PDGFD: variants seen among roughly 807,000 people sequenced by gnomAD.
The protein encoded by PDGFD is platelet-derived growth factor D.
PDGFD carries 30 observed loss-of-function variants against 44.7 expected under a neutral mutation model. The observed-to-expected ratio is 0.67, with a 90% confidence interval of 0.50 to 0.91. PDGFD has a LOEUF of 0.91. PDGFD is among the 40% of genes least tolerant of loss of function. The pLI is 0.00. For missense variants in PDGFD, 445 were observed against 457.8 expected, an observed-to-expected ratio of 0.97 and a Z score of 0.25; for synonymous variants, 173 against 168.4, an observed-to-expected ratio of 1.03 and a Z score of -0.21.
intron 5 of PDGFD, among the ~76,000 whole-genome samples, chr11:103,938,161 G>T (rs1164039731): frequency 6.6e-6 from 1 of 151,906 alleles, no homozygotes; most frequent in Non-Finnish European, 1.5e-5. Flanking sequence ...CTAGTTCACA[G>T]TCCCACCAAC....
chr11:104,026,946 T>C (rs1399693693), intron 1 of PDGFD, among the ~76,000 whole-genome samples: 3 of 152,234 alleles, frequency 2.0e-5, no homozygotes, highest in South Asian at 2.1e-4. Context: ...AGGTAAGCCA[T>C]ATTAACCTGA....
chr11:103,958,977 A>G (rs912967982), intron 3 of PDGFD, among the ~76,000 whole-genome samples: 1 of 152,210 alleles, frequency 6.6e-6, no homozygotes, highest in Non-Finnish European at 1.5e-5. Context: ...GAAGTCTAAA[A>G]GCCAAAGCCA....
At chr11:103,959,825 A>G (rs572945056) in intron 3 of PDGFD, among the ~76,000 whole-genome samples, 5 of 152,332 alleles carry the variant, frequency 3.3e-5, no homozygotes, top group Non-Finnish European at 7.4e-5. Context: ...CATCCCTCCA[A>G]GTAAACAACT....
At chr11:103,964,609 C>G (rs1274748083) in intron 3 of PDGFD, among the ~76,000 whole-genome samples, 2 of 152,104 alleles carry the variant, frequency 1.3e-5, no homozygotes, top group African/African-American at 4.8e-5. Context: ...ACTGCCCTAC[C>G]TACCCTGTGG....
At chr11:104,010,878 T>A (rs535698709) in intron 1 of PDGFD, among the ~76,000 whole-genome samples, 2 of 152,136 alleles carry the variant, frequency 1.3e-5, no homozygotes, top group Admixed American at 1.3e-4. Context: ...AATAGAGAGA[T>A]CCTTTCCATA....
At chr11:103,988,184 A>G (rs553240264) in intron 3 of PDGFD, among the ~76,000 whole-genome samples, 62 of 152,108 alleles carry the variant, frequency 4.1e-4, no homozygotes, top group Non-Finnish European at 8.2e-4. Context: ...CATTTTCTTA[A>G]TCTATCAAAA....
At chr11:104,026,654 G>A (rs1303508737) in intron 1 of PDGFD, among the ~76,000 whole-genome samples, 1 of 152,130 alleles carries the variant, frequency 6.6e-6, no homozygotes, top group Non-Finnish European at 1.5e-5. Context: ...TTTGTCTAGA[G>A]CAGTCCCCTA....
intron 1 of PDGFD, among the ~76,000 whole-genome samples, chr11:104,098,479 A>G (rs913032687): frequency 2.7e-5 from 4 of 149,880 alleles, no homozygotes; most frequent in Non-Finnish European, 4.4e-5. Context: ...TCATATATAG[A>G]GAGGGGAAAT....
intron 1 of PDGFD, among the ~76,000 whole-genome samples, chr11:104,148,136 T>G (rs17102111): frequency 0.014 from 2,173 of 152,262 alleles, 48 homozygotes; most frequent in African/African-American, 0.048. Flanking sequence ...TAAGTTTTTT[T>G]AACAGAATAC....
At chr11:104,100,626 G>A (rs606017) in intron 1 of PDGFD, among the ~76,000 whole-genome samples, 81,602 of 151,850 alleles carry the variant, frequency 0.54, 23,276 homozygotes, top group East Asian at 0.73. Context: ...TGATACCAAA[G>A]CCTGGCAGAG....
Position 104,000,112 on chromosome 11 carries a change from G to C in PDGFD, c.268C>G (p.Arg90Gly), listed in dbSNP as rs760046138. 1 of 1,613,848 alleles carries C rather than the reference G, an allele frequency of 6.2e-7. No homozygotes were observed. The change falls in exon 2 of 7, where the codon CGG (arginine) becomes GGG (glycine). Residue 90 changes from arginine to glycine, a missense_variant. Arg to Gly is a moderately radical substitution (Grantham distance 125, BLOSUM62 -2). Transcript: ENST00000393158. ...TWRLHSQENT[R>G]IQLVFDNQFG... ...TGATTGTCAAACACTAGCTGTATCC[G>C]TGTATTCTCCTGAGAGTGAAGCCGC... is the stretch of plus-strand genomic sequence containing the variant.
At chr11:104,071,287 AAT>A (rs1860872353) in intron 1 of PDGFD, among the ~76,000 whole-genome samples, 2 of 151,952 alleles carry the variant, frequency 1.3e-5, no homozygotes, top group South Asian at 2.1e-4. Flanking sequence ...AGTTAAGTTG[AAT>A]ATGTTTACTT....
intron 1 of PDGFD, among the ~76,000 whole-genome samples, chr11:104,088,817 C>G (rs2134435256): frequency 6.6e-6 from 1 of 152,130 alleles, no homozygotes; most frequent in Middle Eastern, 3.4e-3. Flanking sequence ...GGTAAGCACT[C>G]TTAGAACTCA....
At position 103,952,168 on chromosome 11, in the gene PDGFD, C is replaced by G. The variant is rs1591091416; in HGVS notation, c.511-4444G>C. 2.0e-5 allele frequency among the ~76,000 whole-genome samples: 3 copies of G among 152,154 alleles called. No individual in the cohort carries two copies. The East Asian group carries it at 5.8e-4, about 29-fold the overall frequency. ...TTTCAACCTCCAGACAAATGCAAAA[C>G]AAACTCCTTTTTGTGGGTGCTCTCA... On this transcript the variant is annotated intron_variant, in intron 3 of 6. Transcript: ENST00000393158.
chr11:104,156,064 A>G (rs1862302922), intron 1 of PDGFD, among the ~76,000 whole-genome samples: 1 of 152,220 alleles, frequency 6.6e-6, no homozygotes, highest in Non-Finnish European at 1.5e-5. Context: ...TTATCATCAC[A>G]CAAAAAAGGT....
intron 2 of PDGFD, among the ~76,000 whole-genome samples, chr11:103,997,865 A>C (rs897778253): frequency 1.3e-5 from 2 of 152,130 alleles, no homozygotes; most frequent in African/African-American, 4.8e-5. Flanking sequence ...GAGGGTTCTG[A>C]GACAAGTCTC....
intron 1 of PDGFD, among the ~76,000 whole-genome samples, chr11:104,022,459 T>C (rs1859975351): frequency 1.3e-5 from 2 of 152,102 alleles, no homozygotes; most frequent in Non-Finnish European, 2.9e-5. Context: ...TTTGGAAGTA[T>C]GACATTACAG....
At chr11:103,992,611 A>G (rs1313584960) in intron 3 of PDGFD, among the ~76,000 whole-genome samples, 1 of 152,220 alleles carries the variant, frequency 6.6e-6, no homozygotes, top group African/African-American at 2.4e-5. Flanking sequence ...CCATATGGCT[A>G]TGCTGCCATG....
chr11:104,163,390 C>T (rs1352640981), intron 1 of PDGFD, among the ~76,000 whole-genome samples: 1 of 152,116 alleles, frequency 6.6e-6, no homozygotes, highest in Non-Finnish European at 1.5e-5. Context: ...TTTAAATAAA[C>T]GTCTATCACC....
Sources: gnomAD v4.1 joint callset for allele counts (sites outside exome capture counted in the v4.1 genomes callset) on GRCh38, gnomAD v4.1.1 for gene constraint, MANE v1.5 for transcripts, NCBI Gene and HGNC (gene_info 2026-07-23, HGNC 2026-07-21) for gene names.